Variants in BPIFC observed in about 807,000 individuals in gnomAD.
BPIFC encodes BPI fold-containing family C protein.
BPIFC carries 60 observed loss-of-function variants against 57.6 expected under a neutral mutation model. The observed-to-expected ratio is 1.04, with a 90% CI of 0.85 to 1.29. The LOEUF is 1.29. Ranked by LOEUF, BPIFC falls within the 50% of genes most tolerant of loss-of-function variation. BPIFC has a pLI of 0.00. For missense variants in BPIFC, 581 were observed against 600.5 expected, an observed-to-expected ratio of 0.97 and a Z score of 0.34; for synonymous variants, 243 against 224.5, an observed-to-expected ratio of 1.08 and a Z score of -0.74.
rs1340977254 is a variant in BPIFC at position 32,430,055 on chromosome 22, G to A, written c.1217+1292C>T. Among the ~76,000 whole-genome samples, 5 of 152,186 alleles carry A rather than the reference G, an allele frequency of 3.3e-5. No individual in the cohort carries two copies. The East Asian group carries it at 5.8e-4, about 18-fold the overall frequency. On this transcript the variant is annotated intron_variant, in intron 13 of 16. Coordinates refer to ENST00000300399, the MANE Select transcript of BPIFC (RefSeq NM_174932.3). ...GCTGAGGAAAATGGGCTTTGCAGAC[G>A]GTTCTGCCGAATGGCACTTAGTGGT...
chr22:32,414,577 G>C, intron 16 of BPIFC, 152 bp from the exon 17 acceptor site: 1 of 970,286 alleles, frequency 1.0e-6, no homozygotes, highest in Non-Finnish European at 1.5e-6. Flanking sequence ...GTGGTGGTGC[G>C]ATCTTGGCTC....
intron 4 of BPIFC, among the ~76,000 whole-genome samples, chr22:32,447,586 A>T (rs1934765072): frequency 1.4e-5 from 2 of 147,990 alleles, no homozygotes; most frequent in South Asian, 2.2e-4. Flanking sequence ...TATATATGTA[A>T]TTTTTCTTCT....
At position 32,424,732 on chromosome 22, in the gene BPIFC, T is replaced by C. The variant is rs551387466; in HGVS notation, c.1218-5328A>G. The stretch of plus-strand genomic sequence containing the variant: ...CTTCTTCTTCCTCTTCTTCTTCCTC[T>C]TCTTCTTCCTCTTCTTCTTCCTCTT... On this transcript the variant is annotated intron_variant, in intron 13 of 16. Coordinates refer to ENST00000300399, the MANE Select transcript of BPIFC (RefSeq NM_174932.3). 5.2e-4 allele frequency among the ~76,000 whole-genome samples: 47 copies of C among 90,962 alleles called. 2 individuals are homozygous for C. The highest frequency in any genetic ancestry group is 2.3e-3 in the African/African-American group (39 of 16,858). 59.7% of individuals were successfully genotyped at this position (90,962 alleles called of 152,430 possible).
chr22:32,424,574 TTTCTTCTTCTTC>T (rs148930460), intron 13 of BPIFC, among the ~76,000 whole-genome samples: 1 of 68,982 alleles, frequency 1.4e-5, no homozygotes, highest in Non-Finnish European at 2.6e-5. Flanking sequence ...TGTTATTTTC[TTTCTTCTTCTTC>T]TTCTTCTTCT....
At chr22:32,424,762 T>TTCTTCTTCTTCC (rs1569448266) in intron 13 of BPIFC, among the ~76,000 whole-genome samples, 1 of 76,732 alleles carries the variant, frequency 1.3e-5, no homozygotes, top group Non-Finnish European at 2.4e-5. Context: ...CCTCTTCTTC[T>TTCTTCTTCTTCC]TCTTCTTCTT....
Position 32,437,256 on chromosome 22 carries a change from T to TA in BPIFC, c.747+503dup, listed in dbSNP as rs1934433117. On this transcript the variant is annotated intron_variant, in intron 9 of 16. Transcript: ENST00000300399. Reference sequence around the variant, plus strand: ...TACAATACAATCATTTGCTTATCAATAAAACGTTCAAGAGTCTTTTGAAAA... The same window carrying TA: ...TACAATACAATCATTTGCTTATCAATAAAAACGTTCAAGAGTCTTTTGAAAA... Among the ~76,000 whole-genome samples the TA allele has an allele frequency of 3.3e-5, 5 of 152,232 alleles. No homozygotes were observed. The South Asian group carries it at 1.0e-3, about 31-fold the overall frequency.
chr22:32,427,928 A>C (rs1306466216), intron 13 of BPIFC, among the ~76,000 whole-genome samples: 1 of 152,248 alleles, frequency 6.6e-6, no homozygotes, highest in Non-Finnish European at 1.5e-5. Context: ...CAGAGGTTGC[A>C]GTAAGCCCAG....
chr22:32,432,206 A>G (rs1298188917), intron 12 of BPIFC, among the ~76,000 whole-genome samples, 167 bp downstream of exon 12: 1 of 151,778 alleles, frequency 6.6e-6, no homozygotes, highest in Non-Finnish European at 1.5e-5. Flanking sequence ...TCAGCCTCCC[A>G]AGACACTGGA....
intron 7 of BPIFC, among the ~76,000 whole-genome samples, chr22:32,443,266 C>T (rs1304206185): frequency 6.6e-6 from 1 of 151,718 alleles, no homozygotes; most frequent in African/African-American, 2.4e-5. Flanking sequence ...CTGGTTCATG[C>T]CATTCTCCTG....
intron 2 of BPIFC, among the ~76,000 whole-genome samples, chr22:32,461,357 G>C (rs1197467448): frequency 6.6e-6 from 1 of 152,200 alleles, no homozygotes; most frequent in Non-Finnish European, 1.5e-5. Context: ...AGGGTGGTCA[G>C]GGTGCAGACA....
chr22:32,424,178 G>A (rs1933930730), intron 13 of BPIFC, among the ~76,000 whole-genome samples: 1 of 152,164 alleles, frequency 6.6e-6, no homozygotes, highest in South Asian at 2.1e-4. Context: ...TTTTGCTAAT[G>A]AGGAAACTGA....
intron 7 of BPIFC, among the ~76,000 whole-genome samples, chr22:32,444,169 A>T (rs973461738): frequency 2.0e-5 from 3 of 152,198 alleles, no homozygotes; most frequent in African/African-American, 7.2e-5. Flanking sequence ...GTCAGAGGCA[A>T]AAGGACCGTG....
At position 32,431,144 on chromosome 22, in the gene BPIFC, C is replaced by G. The variant is rs557475605; in HGVS notation, c.1217+203G>C. Among the ~76,000 whole-genome samples, 4 of 147,006 alleles carry G rather than the reference C, an allele frequency of 2.7e-5. No individual in the cohort carries two copies. The East Asian group carries it at 8.0e-4, about 29-fold the overall frequency. On this transcript the variant is annotated intron_variant, in intron 13 of 16. Coordinates refer to ENST00000300399, the MANE Select transcript of BPIFC (RefSeq NM_174932.3). The stretch of plus-strand genomic sequence containing the variant: ...TTTTTTTTTTTTTTTGAGACAGAGT[C>G]TCACTGTCACCCAGGCTGGAGTGCA...
chr22:32,463,009 C>CAGTAAAAAATTTAAAAAA (rs1935197266), intron 1 of BPIFC, among the ~76,000 whole-genome samples: 1 of 152,120 alleles, frequency 6.6e-6, no homozygotes, highest in Non-Finnish European at 1.5e-5. Flanking sequence ...AAATTCCCTG[C>CAGTAAAAAATTTAAAAAA]CAGCAGTAAA....
chr22:32,414,326 A>G lies in BPIFC; in HGVS notation c.1501T>C (p.Trp501Arg), dbSNP rs1933607008. ...WEGLNLISRQWRGKSAP is the reference protein window; with the variant it reads ...WEGLNLISRQRRGKSAP ...AATCAAGGGGCTGACTTCCCCCTCCACTGTCTGCTTATCAGGTTCAGACCT... is the reference window on the plus strand; with the variant it reads ...AATCAAGGGGCTGACTTCCCCCTCCGCTGTCTGCTTATCAGGTTCAGACCT... The change falls in exon 17 of 17, where the codon TGG becomes CGG. Residue 501 changes from tryptophan to arginine, a missense_variant. Transcript: ENST00000300399. The G allele has an allele frequency of 1.2e-6, 2 of 1,613,614 alleles. No individual in the cohort carries two copies. Among genetic ancestry groups the G allele is most frequent in the Non-Finnish European group, 1.7e-6 (2 of 1,179,758 alleles).
intron 3 of BPIFC, 121 bp downstream of exon 3, chr22:32,457,142 G>T: frequency 1.7e-6 from 2 of 1,185,414 alleles, no homozygotes; most frequent in South Asian, 3.6e-5. Context: ...TAAGGTACTG[G>T]ATCACCCCAC....
At position 32,433,232 on chromosome 22, in the gene BPIFC, G is replaced by T. The variant is rs1468282616; in HGVS notation, c.978+487C>A. ...AACAAACAAACAAAAACAAATCTAG[G>T]TCTATCTGACTCAAGATCCTTGCTC... is the stretch of plus-strand genomic sequence containing the variant. On this transcript the variant is annotated intron_variant, in intron 11 of 16. Coordinates refer to ENST00000300399, the MANE Select transcript of BPIFC (RefSeq NM_174932.3). Among the ~76,000 whole-genome samples the T allele has an allele frequency of 2.0e-5, 3 of 152,152 alleles. 1 individual carries two copies. The highest frequency in any genetic ancestry group is 4.1e-4 in the South Asian group (2 of 4,822).
intron 8 of BPIFC, 97 bp downstream of exon 8, chr22:32,442,574 T>G (rs1367267877): frequency 1.1e-5 from 13 of 1,208,964 alleles, no homozygotes; most frequent in Non-Finnish European, 1.6e-5. Context: ...GCAGGATGGA[T>G]AGCTCAAGCT....
At position 32,433,740 on chromosome 22, in the gene BPIFC, G is replaced by A. The variant is rs772521536; in HGVS notation, c.957C>T (p.Gly319=). ...TTACCCGGGAGAGCACGTTGCCAAG[G>A]CCTTGAGAGTTTTGAACAAAATGGT... ...ISNHFVQNSQ[G]LGNVLSRIAE... The change falls in exon 11 of 17, where the codon GGC becomes GGT. Residue 319 remains glycine (G), a synonymous_variant. Transcript: ENST00000300399. The A allele has an allele frequency of 1.2e-6, 2 of 1,613,976 alleles. No individual in the cohort carries two copies. Among genetic ancestry groups the A allele is most frequent in the African/African-American group, 1.3e-5 (1 of 75,030 alleles).
Sources: gnomAD v4.1 joint callset for allele counts (sites outside exome capture counted in the v4.1 genomes callset) on GRCh38, gnomAD v4.1.1 for gene constraint, MANE v1.5 for transcripts, NCBI Gene and HGNC (gene_info 2026-07-23, HGNC 2026-07-21) for gene names.